Variants in LVRN observed in about 807,000 individuals in gnomAD.
LVRN encodes aminopeptidase Q.
LVRN carries 99 observed loss-of-function variants against 111.4 expected under a neutral mutation model. That is an observed-to-expected ratio of 0.89 (90% CI 0.76 to 1.05). The LOEUF (loss-of-function observed/expected upper bound fraction) is 1.05, where lower values mean the gene tolerates loss of function less well. Ranked by LOEUF, LVRN falls within the 50% of genes least tolerant of loss-of-function variation. The pLI, the probability that LVRN is intolerant of heterozygous loss-of-function variation, is 0.00. For synonymous variants in LVRN, 488 were observed against 449.5 expected (o/e 1.09, Z -1.08); for missense variants, 1,414 against 1,206.8 (o/e 1.17, Z -2.54).
At chr5:115,964,600 T>A (rs1580372405) in intron 1 of LVRN, among the ~76,000 whole-genome samples, 1 of 47,520 alleles carries the variant, frequency 2.1e-5, no homozygotes. Flanking sequence ...CATATCTGAC[T>A]TTTTTTTTTT....
At chr5:115,980,097 T>A (rs998244285) in intron 1 of LVRN, among the ~76,000 whole-genome samples, 41 of 152,010 alleles carry the variant, frequency 2.7e-4, no homozygotes, top group African/African-American at 9.7e-4. Context: ...AGGAGACAAA[T>A]TCTCCCAAAT....
chr5:115,976,516 TTGACAC>T lies in LVRN; in HGVS notation c.696-6770_696-6765del, dbSNP rs1229319947. Among the ~76,000 whole-genome samples, 282 of 152,318 alleles carry T rather than the reference TTGACAC, an allele frequency of 1.9e-3. 1 individual carries two copies. Among genetic ancestry groups the T allele is most frequent in the African/African-American group, 6.3e-3 (263 of 41,584 alleles). The stretch of plus-strand genomic sequence containing the variant: ...TATTTTTACTTTTTCTATACTATGG[TTGACAC>T]AAACTTATTACTTTAAGACCCTTTT... On this transcript the variant is annotated intron_variant, in intron 1 of 19. Coordinates refer to ENST00000357872, the MANE Select transcript of LVRN (RefSeq NM_173800.5).
At chr5:115,970,567 A>C (rs976077639) in intron 1 of LVRN, among the ~76,000 whole-genome samples, 2 of 151,682 alleles carry the variant, frequency 1.3e-5, no homozygotes, top group Admixed American at 1.3e-4. Context: ...TTTGTATTTC[A>C]GTAGAGATGG....
rs754991554 is a variant in LVRN, at chr5:115,992,137, C to T, written c.1120C>T (p.Pro374Ser). The change falls in exon 5 of 20, where the codon CCT (proline) becomes TCT (serine). Residue 374 changes from proline (P) to serine (S), a missense_variant. Coordinates refer to ENST00000357872, the MANE Select transcript of LVRN (RefSeq NM_173800.5). ...AATCCACTTAGATATAATTGCCTTG[C>T]CTAGTTTTGACAACCATGCAATGGA... is the stretch of plus-strand genomic sequence containing the variant. ...SLPKTDIIALPSFDNHAMENW... is the reference protein window; with the variant it reads ...SLPKTDIIALSSFDNHAMENW... The T allele has an allele frequency of 6.2e-7, 1 of 1,612,936 alleles. No homozygotes were observed. The highest frequency in any genetic ancestry group is 1.1e-5 in the South Asian group (1 of 90,726).
At position 115,962,667 on chromosome 5, in the gene LVRN, T is replaced by C. The variant is rs552871898; in HGVS notation, c.50T>C (p.Leu17Pro). The change falls in exon 1 of 20, where the codon CTG becomes CCG. Residue 17 changes from leucine (L) to proline (P), a missense_variant. Transcript: ENST00000357872. ...TTCTATGTGAGCCGCGCAGTGGCCC[T>C]GCTGCTGGCTGGGCTGGTAGCCGCC... ...SGFYVSRAVA[L>P]LLAGLVAALL... 176 of 1,609,928 alleles carry C rather than the reference T, an allele frequency of 1.1e-4. No homozygotes were observed. In the East Asian group the frequency reaches 3.3e-3, roughly 30 times the overall value.
At position 115,963,151 on chromosome 5, in the gene LVRN, C is replaced by A; in HGVS notation, c.534C>A (p.Asp178Glu). Residue 178 changes from aspartate to glutamate, a missense_variant, in exon 1 of 20, where the codon GAC (aspartate) becomes GAA (glutamate). Asp to Glu is a conservative substitution (Grantham distance 45, BLOSUM62 2). Coordinates refer to ENST00000357872, the MANE Select transcript of LVRN (RefSeq NM_173800.5). ...CAGTGGGCCGCGTGCCCGTGGACGACGTGTGGTTCGCGCTGGACACGGAAT... is the reference window on the plus strand; with the variant it reads ...CAGTGGGCCGCGTGCCCGTGGACGAAGTGTGGTTCGCGCTGGACACGGAAT... ...NATVGRVPVD[D>E]VWFALDTEYM... The A allele has an allele frequency of 6.2e-7, 1 of 1,613,242 alleles. No individual in the cohort carries two copies. Among genetic ancestry groups the A allele is most frequent in the South Asian group, 1.1e-5 (1 of 91,044 alleles).
Position 116,015,239 on chromosome 5 carries a change from TTA to T in LVRN, c.2451-9_2451-8del. On this transcript the variant is annotated splice_polypyrimidine_tract_variant and intron_variant, in intron 16 of 19. Coordinates refer to ENST00000357872, the MANE Select transcript of LVRN (RefSeq NM_173800.5). Reference sequence around the variant, plus strand: ...CTACTATGAAAAATATCATTTTATGTTATATTTTACAGAATACCTTATCCAAT... The same window carrying T: ...CTACTATGAAAAATATCATTTTATGTTATTTTACAGAATACCTTATCCAAT... 1 of 1,545,748 alleles carries T rather than the reference TTA, an allele frequency of 6.5e-7. No individual in the cohort carries two copies. Among genetic ancestry groups the T allele is most frequent in the Non-Finnish European group, 8.7e-7 (1 of 1,146,332 alleles).
intron 15 of LVRN, 87 bp from the exon 16 acceptor site, chr5:116,014,333 C>CT (rs1748553783): frequency 1.0e-6 from 1 of 967,406 alleles, no homozygotes; most frequent in African/African-American, 1.7e-5. Context: ...AAATACCCAT[C>CT]TTTTTATGAA....
At chr5:115,996,351 T>C (rs1187849039) in intron 6 of LVRN, among the ~76,000 whole-genome samples, 1 of 152,000 alleles carries the variant, frequency 6.6e-6, no homozygotes. Context: ...GTTAGTCTCT[T>C]TTTGTACCTT....
At chr5:115,987,175 G>A (rs114295070) in intron 3 of LVRN, among the ~76,000 whole-genome samples, 286 of 152,158 alleles carry the variant, frequency 1.9e-3, no homozygotes, top group African/African-American at 6.5e-3. Context: ...ACAAAACATG[G>A]CAGAGATTTC....
At chr5:116,023,327 C>A (rs1004847970) in intron 19 of LVRN, 2 of 152,208 alleles carry the variant, frequency 1.3e-5, no homozygotes, top group African/African-American at 4.8e-5. Flanking sequence ...GCTTTTCTTT[C>A]CTCTAGGCTG....
intron 6 of LVRN, among the ~76,000 whole-genome samples, chr5:115,996,529 C>T (rs7735700): frequency 1.3e-3 from 196 of 152,246 alleles, no homozygotes; most frequent in African/African-American, 4.4e-3. Context: ...AGATCAAGAA[C>T]TTTAACCTCC....
intron 18 of LVRN, chr5:116,020,082 A>G (rs1198163039): frequency 1.3e-5 from 2 of 152,242 alleles, no homozygotes; most frequent in African/African-American, 2.4e-5. Flanking sequence ...TACATTTTGG[A>G]ATATTTGATT....
At chr5:116,001,669 T>A (rs148435424) in intron 10 of LVRN, among the ~76,000 whole-genome samples, 9 of 152,322 alleles carry the variant, frequency 5.9e-5, no homozygotes, top group Non-Finnish European at 1.2e-4. Flanking sequence ...TGAGGAATAG[T>A]TCTGTGCAGG....
chr5:115,983,350 G>T lies in LVRN; in HGVS notation c.759G>T (p.Glu253Asp), dbSNP rs1747758344. 6.2e-7 allele frequency: 1 copy of T among 1,611,862 alleles called. No individual in the cohort carries two copies. Among genetic ancestry groups the T allele is most frequent in the Non-Finnish European group, 8.5e-7 (1 of 1,179,284 alleles). Residue 253 changes from glutamate to aspartate, a missense_variant, in exon 2 of 20, where the codon GAG (glutamate) becomes GAT (aspartate). By Grantham distance (45) the Glu-to-Asp change is conservative. Transcript: ENST00000357872. ...FARYVFPCFD[E>D]PALKATFNIT... ...GGTATGTTTTCCCTTGTTTTGATGA[G>T]CCAGCTCTGAAGGCAACTTTTAATA...
chr5:115,970,107 C>T (rs73259350), intron 1 of LVRN, among the ~76,000 whole-genome samples: 9,737 of 151,998 alleles, frequency 0.064, 360 homozygotes, highest in Middle Eastern at 0.099. Flanking sequence ...ATTTAAAGTA[C>T]AAAACTTGAT....
At chr5:116,006,185 C>T (rs1166100708) in intron 13 of LVRN, among the ~76,000 whole-genome samples, 1 of 151,974 alleles carries the variant, frequency 6.6e-6, no homozygotes, top group African/African-American at 2.4e-5. Context: ...TTCTGTTTTC[C>T]AAGGGTGATG....
chr5:115,984,864 G>A (rs917155184), intron 3 of LVRN, among the ~76,000 whole-genome samples, 155 bp downstream of exon 3: 1 of 152,166 alleles, frequency 6.6e-6, no homozygotes, highest in Non-Finnish European at 1.5e-5. Context: ...TGGCTTTGCA[G>A]AATGGGACAT....
chr5:115,970,370 C>G (rs1018884787), intron 1 of LVRN, among the ~76,000 whole-genome samples: 2 of 149,308 alleles, frequency 1.3e-5, no homozygotes, highest in African/African-American at 4.9e-5. Context: ...AGTAGAATTA[C>G]TTTGAAATAC....
Sources: gnomAD v4.1 joint callset for allele counts (sites outside exome capture counted in the v4.1 genomes callset) on GRCh38, gnomAD v4.1.1 for gene constraint, MANE v1.5 for transcripts, NCBI Gene and HGNC (gene_info 2026-07-23, HGNC 2026-07-21) for gene names.